Variants in ATF7IP observed in about 807,000 individuals in gnomAD.
ATF7IP encodes activating transcription factor 7-interacting protein 1.
ATF7IP carries 23 observed loss-of-function variants against 106.4 expected under a neutral mutation model. The observed-to-expected ratio is 0.22, with a 90% CI of 0.16 to 0.31. ATF7IP has a LOEUF of 0.31. Among genes scored for constraint, ATF7IP ranks in the 10% least tolerant of loss-of-function variants. The probability of loss-of-function intolerance (pLI) is 1.00; values close to 1 mark genes in which losing one functional copy is unlikely to be tolerated. For synonymous variants in ATF7IP, 542 were observed against 539.0 expected (o/e 1.01, Z -0.08); for missense variants, 1,334 against 1,524.3 (o/e 0.88, Z 2.08).
intron 10 of ATF7IP, among the ~76,000 whole-genome samples, chr12:14,467,557 T>C (rs1943880777): frequency 6.6e-6 from 1 of 152,236 alleles, no homozygotes; most frequent in Non-Finnish European, 1.5e-5. Flanking sequence ...TGAGATACTT[T>C]CTGGAAGATG....
At chr12:14,487,482 C>A (rs1229488838) in intron 13 of ATF7IP, among the ~76,000 whole-genome samples, 2 of 152,142 alleles carry the variant, frequency 1.3e-5, no homozygotes, top group African/African-American at 4.8e-5. Flanking sequence ...ATCACTGTTG[C>A]CTCACATATC....
chr12:14,431,770 T>C (rs949834043), intron 2 of ATF7IP, among the ~76,000 whole-genome samples: 3 of 152,176 alleles, frequency 2.0e-5, no homozygotes, highest in African/African-American at 7.2e-5. Flanking sequence ...ATGTCTAAAG[T>C]TGTCTGTGTA....
chr12:14,419,443 T>G (rs1191744022), intron 1 of ATF7IP: 1 of 152,206 alleles, frequency 6.6e-6, no homozygotes, highest in African/African-American at 2.4e-5. Flanking sequence ...TGGTAATAAC[T>G]ACCAGCTGTC....
chr12:14,427,143 G>C (rs1941895598), intron 2 of ATF7IP, among the ~76,000 whole-genome samples: 3 of 151,996 alleles, frequency 2.0e-5, no homozygotes. Context: ...TGTTTTGTGA[G>C]ACAGAGTCTT....
intron 2 of ATF7IP, among the ~76,000 whole-genome samples, chr12:14,428,204 C>G (rs1941958688): frequency 2.0e-5 from 3 of 151,966 alleles, no homozygotes; most frequent in Admixed American, 2.0e-4. Context: ...TAATGAGTAC[C>G]TTTATGTCAG....
chr12:14,456,637 GAGAATTCAT>G lies in ATF7IP; in HGVS notation c.2069+6_2069+14del. The G allele has an allele frequency of 6.3e-7, 1 of 1,595,906 alleles. No homozygotes were observed. The highest frequency in any genetic ancestry group is 8.6e-7 in the Non-Finnish European group (1 of 1,165,386). ...AGCAATAATAACATGTCTTACAGGTGAGAATTCATAGTCTGTCTAGTTTTTAAAAACAGA... is the reference window on the plus strand; with the variant it reads ...AGCAATAATAACATGTCTTACAGGTGAGTCTGTCTAGTTTTTAAAAACAGA... On this transcript the variant is annotated splice_donor_5th_base_variant and intron_variant, in intron 7 of 14. Transcript: ENST00000261168.
intron 10 of ATF7IP, 87 bp from the exon 11 acceptor site, chr12:14,475,803 C>T: frequency 9.9e-7 from 1 of 1,014,938 alleles, no homozygotes. Context: ...ACTCATTAGT[C>T]TCATTTTACC....
intron 5 of ATF7IP, among the ~76,000 whole-genome samples, chr12:14,441,461 T>A (rs1332225214): frequency 1.3e-5 from 2 of 151,728 alleles, no homozygotes; most frequent in African/African-American, 2.4e-5. Flanking sequence ...TTGTAAGAAT[T>A]ATTTATATAT....
At chr12:14,429,809 C>T (rs1338400131) in intron 2 of ATF7IP, among the ~76,000 whole-genome samples, 1 of 152,100 alleles carries the variant, frequency 6.6e-6, no homozygotes, top group Admixed American at 6.6e-5. Context: ...CTTCTTAGTT[C>T]TATTCACTAG....
intron 13 of ATF7IP, among the ~76,000 whole-genome samples, chr12:14,493,869 T>A (rs995943636): frequency 2.0e-5 from 3 of 152,126 alleles, no homozygotes; most frequent in South Asian, 2.1e-4. Context: ...CCTCAGTATC[T>A]TCTTCTGAGG....
intron 6 of ATF7IP, among the ~76,000 whole-genome samples, chr12:14,451,880 A>G (rs1230495676): frequency 1.3e-5 from 2 of 152,272 alleles, no homozygotes; most frequent in East Asian, 1.9e-4. Context: ...CAATTAGCAT[A>G]TAGTGTTGTT....
Position 14,475,975 on chromosome 12 carries a change from C to A in ATF7IP, c.2941+7C>A. ...GAGAGTGGAGCTTCACAAGGTACTT[C>A]AATAGTAATTGTACTAAGCAACGTT... On this transcript the variant is annotated splice_region_variant and intron_variant, in intron 11 of 14. Transcript: ENST00000261168. 6.2e-7 allele frequency: 1 copy of A among 1,608,184 alleles called. No individual in the cohort carries two copies. The highest frequency in any genetic ancestry group is 8.5e-7 in the Non-Finnish European group (1 of 1,174,816).
At chr12:14,444,990 GTTT>G (rs1206306341) in intron 5 of ATF7IP, among the ~76,000 whole-genome samples, 2 of 131,530 alleles carry the variant, frequency 1.5e-5, no homozygotes, top group Admixed American at 7.7e-5. Context: ...TAACCACCTA[GTTT>G]TTTTTTTTTT....
chr12:14,492,521 GA>G (rs1944863430), intron 13 of ATF7IP, among the ~76,000 whole-genome samples: 1 of 151,992 alleles, frequency 6.6e-6, no homozygotes, highest in East Asian at 1.9e-4. Context: ...GAAATTGATT[GA>G]GGGGTCATCA....
chr12:14,385,537 G>A (rs932405686), intron 1 of ATF7IP: 1 of 717,320 alleles, frequency 1.4e-6, no homozygotes, highest in Non-Finnish European at 2.2e-6. Flanking sequence ...GAACCTTTAA[G>A]CCTTTATTAT....
chr12:14,419,976 C>A (rs1248954490), intron 1 of ATF7IP: 1 of 152,154 alleles, frequency 6.6e-6, no homozygotes, highest in African/African-American at 2.4e-5. Context: ...GTGCTAGAAT[C>A]TCAAGCTGAA....
intron 10 of ATF7IP, among the ~76,000 whole-genome samples, chr12:14,471,126 T>C (rs935393431): frequency 6.6e-6 from 1 of 152,220 alleles, no homozygotes; most frequent in Non-Finnish European, 1.5e-5. Flanking sequence ...TTTAATGCTA[T>C]TGGATTTAGA....
At chr12:14,394,554 A>G (rs1469665441) in intron 1 of ATF7IP, among the ~76,000 whole-genome samples, 1 of 152,176 alleles carries the variant, frequency 6.6e-6, no homozygotes, top group African/African-American at 2.4e-5. Context: ...TTGGTCATGA[A>G]ATGAGGACTG....
chr12:14,371,065 A>G (rs1938515946), intron 1 of ATF7IP, among the ~76,000 whole-genome samples: 1 of 152,002 alleles, frequency 6.6e-6, no homozygotes, highest in South Asian at 2.1e-4. Context: ...AATTATTAGA[A>G]TAAATTTATT....
Sources: gnomAD v4.1 joint callset for allele counts (sites outside exome capture counted in the v4.1 genomes callset) on GRCh38, gnomAD v4.1.1 for gene constraint, MANE v1.5 for transcripts, NCBI Gene and HGNC (gene_info 2026-07-23, HGNC 2026-07-21) for gene names.